The following ADGRL3 variants were observed in gnomAD, a reference collection of about 807,000 sequenced individuals.
ADGRL3 encodes the protein adhesion G protein-coupled receptor L3, also known as calcium-independent alpha-latrotoxin receptor 3.
Under a neutral mutation model 153.5 loss-of-function variants are expected in ADGRL3, and 62 were observed. The ratio of observed to expected loss-of-function variants is 0.40; its 90% confidence interval spans 0.33 to 0.50. The LOEUF (loss-of-function observed/expected upper bound fraction) is 0.50. ADGRL3 is among the 20% of genes least tolerant of loss of function. The probability of loss-of-function intolerance (pLI) is 0.47; values close to 1 mark genes in which losing one functional copy is unlikely to be tolerated. For synonymous variants in ADGRL3, 710 were observed against 672.5 expected (o/e 1.06, Z -0.86); for missense variants, 1,641 against 1,859.4 (o/e 0.88, Z 2.16).
chr4:61,932,242 G>A (rs1288722915), intron 13 of ADGRL3, among the ~76,000 whole-genome samples: 1 of 152,042 alleles, frequency 6.6e-6, no homozygotes, highest in Non-Finnish European at 1.5e-5. Flanking sequence ...GCAAGAGTGG[G>A]CACCTTTGCC....
chr4:61,456,552 C>T (rs2097758559), intron 2 of ADGRL3, among the ~76,000 whole-genome samples: 1 of 147,684 alleles, frequency 6.8e-6, no homozygotes, highest in African/African-American at 2.5e-5. Flanking sequence ...CAGTGACTTA[C>T]TTATTTAACC....
At chr4:61,782,836 C>A (rs566089402) in intron 8 of ADGRL3, among the ~76,000 whole-genome samples, 1 of 152,248 alleles carries the variant, frequency 6.6e-6, no homozygotes, top group East Asian at 1.9e-4. Context: ...GAAATATTGA[C>A]AGACATAGTC....
chr4:61,983,154 T>C (rs750239484), intron 18 of ADGRL3, among the ~76,000 whole-genome samples: 2 of 152,158 alleles, frequency 1.3e-5, no homozygotes, highest in Non-Finnish European at 2.9e-5. Flanking sequence ...TTTATTCTAA[T>C]GATACACTGT....
At chr4:61,517,248 C>T (rs1408962706) in intron 3 of ADGRL3, 67 bp from the exon 4 acceptor site, 1 of 685,274 alleles carries the variant, frequency 1.5e-6, no homozygotes, top group East Asian at 2.7e-5. Flanking sequence ...ATAGCCTCTA[C>T]CAGGGCTCCC....
intron 2 of ADGRL3, among the ~76,000 whole-genome samples, chr4:61,399,082 T>A (rs1159443571): frequency 6.6e-6 from 1 of 151,736 alleles, no homozygotes; most frequent in South Asian, 2.1e-4. Context: ...AGGACAATCC[T>A]TTACTTGTAA....
intron 5 of ADGRL3, among the ~76,000 whole-genome samples, chr4:61,589,678 G>A (rs1319823238): frequency 2.6e-5 from 4 of 151,910 alleles, no homozygotes; most frequent in East Asian, 1.9e-4. Flanking sequence ...GATTATCACC[G>A]TATTCTTGTA....
At chr4:61,431,956 A>T (rs1490862181) in intron 2 of ADGRL3, among the ~76,000 whole-genome samples, 2 of 152,128 alleles carry the variant, frequency 1.3e-5, no homozygotes, top group African/African-American at 4.8e-5. Context: ...TGATTGAGTC[A>T]ATATATATTG....
At chr4:61,347,327 A>C (rs949516483) in intron 1 of ADGRL3, among the ~76,000 whole-genome samples, 3 of 151,602 alleles carry the variant, frequency 2.0e-5, no homozygotes, top group African/African-American at 7.3e-5. Flanking sequence ...CCAGCGACTA[A>C]GTTCCTAGAG....
At chr4:61,326,530 G>A (rs2095469189) in intron 1 of ADGRL3, among the ~76,000 whole-genome samples, 1 of 150,594 alleles carries the variant, frequency 6.6e-6, no homozygotes, top group South Asian at 2.1e-4. Context: ...ATTTTATTTA[G>A]GAGAATTTAA....
intron 8 of ADGRL3, among the ~76,000 whole-genome samples, chr4:61,796,186 G>A (rs1229464479): frequency 6.6e-6 from 1 of 152,130 alleles, no homozygotes; most frequent in Non-Finnish European, 1.5e-5. Context: ...GACTGCTTGT[G>A]GTCCCTGTGC....
intron 8 of ADGRL3, among the ~76,000 whole-genome samples, chr4:61,813,576 AT>A (rs1406730126): frequency 3.3e-5 from 5 of 152,104 alleles, no homozygotes; most frequent in Non-Finnish European, 7.3e-5. Context: ...CAAATTTGTA[AT>A]TTCACAACAA....
chr4:61,973,196 T>A (rs552825711), intron 17 of ADGRL3, among the ~76,000 whole-genome samples: 6 of 152,170 alleles, frequency 3.9e-5, no homozygotes, highest in African/African-American at 1.4e-4. Flanking sequence ...GTGTACTTTA[T>A]GTGATTATTA....
chr4:61,522,103 G>A (rs1013243328), intron 4 of ADGRL3, among the ~76,000 whole-genome samples: 1 of 152,110 alleles, frequency 6.6e-6, no homozygotes, highest in African/African-American at 2.4e-5. Context: ...ATATAGTGGA[G>A]CCAAGATTGG....
At chr4:61,285,573 G>A (rs544292407) in intron 1 of ADGRL3, among the ~76,000 whole-genome samples, 49 of 151,780 alleles carry the variant, frequency 3.2e-4, no homozygotes, top group Non-Finnish European at 5.9e-4. Context: ...AAAATACGGC[G>A]ATTCAAGACA....
At chr4:61,454,793 T>G (rs2152538323) in intron 2 of ADGRL3, among the ~76,000 whole-genome samples, 1 of 152,262 alleles carries the variant, frequency 6.6e-6, no homozygotes, top group East Asian at 1.9e-4. Flanking sequence ...CTCATACAAA[T>G]ATGTGGTTGA....
chr4:61,547,676 C>T (rs2098720327), intron 4 of ADGRL3, among the ~76,000 whole-genome samples: 1 of 152,022 alleles, frequency 6.6e-6, no homozygotes, highest in Non-Finnish European at 1.5e-5. Flanking sequence ...TAGGTTGATT[C>T]CATATCTTTG....
At chr4:61,219,409 C>A (rs951481956) in intron 1 of ADGRL3, among the ~76,000 whole-genome samples, 1 of 152,082 alleles carries the variant, frequency 6.6e-6, no homozygotes, top group African/African-American at 2.4e-5. Context: ...ATTTTAAATG[C>A]TGTATGAAAA....
At chr4:61,467,948 C>T (rs1451370670) in intron 2 of ADGRL3, among the ~76,000 whole-genome samples, 1 of 152,038 alleles carries the variant, frequency 6.6e-6, no homozygotes, top group African/African-American at 2.4e-5. Context: ...GATGTTCTGA[C>T]AAATTTATAC....
At chr4:61,449,568 T>C (rs1050311661) in intron 2 of ADGRL3, among the ~76,000 whole-genome samples, 4 of 152,172 alleles carry the variant, frequency 2.6e-5, no homozygotes, top group African/African-American at 4.8e-5. Flanking sequence ...TTAGACACAG[T>C]CAAGTAATAT....
Sources: gnomAD v4.1 joint callset for allele counts (sites outside exome capture counted in the v4.1 genomes callset) on GRCh38, gnomAD v4.1.1 for gene constraint, MANE v1.5 for transcripts, NCBI Gene and HGNC (gene_info 2026-07-23, HGNC 2026-07-21) for gene names.